Variants in SLC44A5 observed in about 807,000 individuals in gnomAD.
SLC44A5 encodes the protein choline transporter-like protein 5.
In SLC44A5, 57 loss-of-function variants were observed where a neutral mutation model predicts 101.8. That is an observed-to-expected ratio of 0.56 (90% CI 0.45 to 0.70). The LOEUF is 0.70. Among genes scored for constraint, SLC44A5 ranks in the 30% least tolerant of loss-of-function variants. SLC44A5 has a pLI of 0.00. For missense variants in SLC44A5, 737 were observed against 853.1 expected, an observed-to-expected ratio of 0.86 and a Z score of 1.70; for synonymous variants, 281 against 290.9, an observed-to-expected ratio of 0.97 and a Z score of 0.35.
chr1:75,684,055 T>C, the SLC44A5 span, among the ~76,000 whole-genome samples: 2 of 152,140 alleles, frequency 1.3e-5, no homozygotes, highest in Non-Finnish European at 2.9e-5. Flanking sequence ...CTCACAATTA[T>C]GGTGGAACGA....
chr1:75,621,097 A>G, the SLC44A5 span, among the ~76,000 whole-genome samples: 1 of 152,188 alleles, frequency 6.6e-6, no homozygotes, highest in South Asian at 2.1e-4. Context: ...GAGAATGATC[A>G]CAGTAAATGA....
intron 2 of SLC44A5, among the ~76,000 whole-genome samples, chr1:75,484,057 T>C (rs1033734883): frequency 3.3e-5 from 5 of 152,148 alleles, no homozygotes; most frequent in African/African-American, 9.7e-5. Context: ...CAATTCAAAA[T>C]GAGATTTGGG....
intron 1 of SLC44A5, among the ~76,000 whole-genome samples, chr1:75,575,932 C>A (rs1673334740): frequency 1.3e-5 from 2 of 152,092 alleles, no homozygotes; most frequent in African/African-American, 4.8e-5. Context: ...ATGGCAAGAA[C>A]TTTTTGAAAG....
chr1:75,402,284 T>C (rs1189007161), intron 2 of SLC44A5: 1 of 202,990 alleles, frequency 4.9e-6, no homozygotes, highest in African/African-American at 2.3e-5. Context: ...GGCTTTGGGG[T>C]AAAGAAGGAT....
chr1:75,475,252 G>A (rs757706231), intron 2 of SLC44A5, among the ~76,000 whole-genome samples: 48 of 152,118 alleles, frequency 3.2e-4, no homozygotes, highest in Non-Finnish European at 6.9e-4. Context: ...TATCATTTGA[G>A]GAAACCTTGT....
At chr1:75,543,172 T>C (rs1271384399) in intron 1 of SLC44A5, among the ~76,000 whole-genome samples, 3 of 152,208 alleles carry the variant, frequency 2.0e-5, no homozygotes, top group South Asian at 2.1e-4. Flanking sequence ...TAATGTCTTA[T>C]AAATACTCAT....
rs12057503 is a variant in SLC44A5, at chr1:75,445,289, C to G, written c.14-48668G>C. On this transcript the variant is annotated intron_variant, in intron 2 of 23. Transcript: ENST00000370859. ...GCTCCTTCTCTTGCCATGTGACACG[C>G]CTGCTCCCCTTGTGTCTTCTGCCAT... Among the ~76,000 whole-genome samples the G allele has an allele frequency of 9.9e-3, 1,501 of 152,048 alleles. 31 individuals carry two copies. Among genetic ancestry groups the G allele is most frequent in the African/African-American group, 0.034 (1,408 of 41,484 alleles).
chr1:75,399,423 A>G (rs1015324356), intron 2 of SLC44A5, among the ~76,000 whole-genome samples: 4 of 152,226 alleles, frequency 2.6e-5, no homozygotes, highest in Non-Finnish European at 4.4e-5. Flanking sequence ...CAAATCCAGA[A>G]AGTGAGATAT....
chr1:75,639,525 C>T, the SLC44A5 span, among the ~76,000 whole-genome samples: 1 of 152,136 alleles, frequency 6.6e-6, no homozygotes. Context: ...ACTGTTATTC[C>T]GATAAGCCTC....
rs192335845 is a variant in SLC44A5, at chr1:75,375,831, G to A, written c.52+20752C>T. Among the ~76,000 whole-genome samples, 668 of 152,324 alleles carry A rather than the reference G, an allele frequency of 4.4e-3. 3 individuals carry two copies. The highest frequency in any genetic ancestry group is 7.4e-3 in the Non-Finnish European group (503 of 68,030). Reference sequence around the variant, plus strand: ...AATTCATTACCACTGAATCGTGGAGGAGCCAAGATGGCCGAATAGGAACAG... The same window carrying A: ...AATTCATTACCACTGAATCGTGGAGAAGCCAAGATGGCCGAATAGGAACAG... On this transcript the variant is annotated intron_variant, in intron 3 of 23. Coordinates refer to ENST00000370859, the MANE Select transcript of SLC44A5 (RefSeq NM_001130058.2).
chr1:75,560,211 C>A (rs1672444407), intron 1 of SLC44A5, among the ~76,000 whole-genome samples: 1 of 152,074 alleles, frequency 6.6e-6, no homozygotes, highest in Non-Finnish European at 1.5e-5. Context: ...AAATATATAT[C>A]CATAGAAAAA....
At chr1:75,412,550 C>T (rs573811136) in intron 2 of SLC44A5, among the ~76,000 whole-genome samples, 1 of 152,264 alleles carries the variant, frequency 6.6e-6, no homozygotes, top group East Asian at 1.9e-4. Context: ...ATCAGGCAGA[C>T]CACGAACAGG....
intron 14 of SLC44A5, among the ~76,000 whole-genome samples, chr1:75,221,547 C>T (rs1405921530): frequency 6.6e-6 from 1 of 152,114 alleles, no homozygotes; most frequent in Non-Finnish European, 1.5e-5. Context: ...TAGTCTGGTG[C>T]TCCTAGAATC....
intron 3 of SLC44A5, among the ~76,000 whole-genome samples, chr1:75,384,934 G>A (rs1258194138): frequency 6.6e-6 from 1 of 150,788 alleles, no homozygotes; most frequent in African/African-American, 2.4e-5. Flanking sequence ...CATGGAAACT[G>A]AACAACCTGC....
chr1:75,265,329 A>G lies in SLC44A5; in HGVS notation c.260+9629T>C, dbSNP rs779346694. On this transcript the variant is annotated intron_variant, in intron 6 of 23. Coordinates refer to ENST00000370859, the MANE Select transcript of SLC44A5 (RefSeq NM_001130058.2). ...AACAAACAAAAAAACACTATGGGGC[A>G]ATATCCCTGATAAACATAGATGCAA... Among the ~76,000 whole-genome samples, 3 of 152,218 alleles carry G rather than the reference A, an allele frequency of 2.0e-5. No individual in the cohort carries two copies. The South Asian group carries it at 6.2e-4, about 31-fold the overall frequency.
intron 1 of SLC44A5, among the ~76,000 whole-genome samples, chr1:75,548,878 A>G (rs2101974246): frequency 6.6e-6 from 1 of 152,274 alleles, no homozygotes; most frequent in Non-Finnish European, 1.5e-5. Context: ...ATGTTAATTA[A>G]GAGACAAACA....
the SLC44A5 span, among the ~76,000 whole-genome samples, chr1:75,712,420 T>A: frequency 6.6e-6 from 1 of 152,192 alleles, no homozygotes; most frequent in Admixed American, 6.5e-5. Context: ...AAAACCTCAG[T>A]AAGTATTAGT....
intron 2 of SLC44A5, among the ~76,000 whole-genome samples, chr1:75,534,093 C>T (rs1450521064): frequency 5.3e-5 from 8 of 152,228 alleles, no homozygotes; most frequent in African/African-American, 1.7e-4. Context: ...ATGCAGTACT[C>T]GAGACAGGCA....
At chr1:75,684,905 C>T in the SLC44A5 span, among the ~76,000 whole-genome samples, 1 of 152,240 alleles carries the variant, frequency 6.6e-6, no homozygotes, top group Non-Finnish European at 1.5e-5. Context: ...TCTGACCCCA[C>T]ATTTCACTTC....
Sources: allele counts gnomAD v4.1 joint callset (sites outside exome capture counted in the v4.1 genomes callset), GRCh38; gene constraint gnomAD v4.1.1; transcripts MANE v1.5; gene names NCBI Gene and HGNC (gene_info 2026-07-23, HGNC 2026-07-21).